The following RDH13 variants were observed in gnomAD, a reference collection of about 807,000 sequenced individuals.
RDH13 encodes retinol dehydrogenase 13 (all-trans and 9-cis).
A neutral mutation model predicts 28.3 loss-of-function variants in RDH13; 35 were observed. That is an observed-to-expected ratio of 1.24 (90% CI 0.95 to 1.64). The LOEUF (loss-of-function observed/expected upper bound fraction) is 1.64. RDH13 is among the 40% of genes most tolerant of loss of function. The probability of loss-of-function intolerance (pLI) is 0.00; values close to 1 mark genes in which losing one functional copy is unlikely to be tolerated. For synonymous variants in RDH13, 229 were observed against 198.5 expected (o/e 1.15, Z -1.29); for missense variants, 514 against 446.3 (o/e 1.15, Z -1.37).
downstream of RDH13, chr19:55,042,942 C>G (rs1340706532): frequency 1.3e-5 from 2 of 152,214 alleles, no homozygotes; most frequent in Non-Finnish European, 2.9e-5. Context: ...AACCTAACCA[C>G]AAGACTAACC....
At chr19:55,056,403 A>T (rs1297376889) in intron 3 of RDH13, among the ~76,000 whole-genome samples, 2 of 152,164 alleles carry the variant, frequency 1.3e-5, no homozygotes, top group Admixed American at 1.3e-4. Flanking sequence ...GGTTACAGTG[A>T]GCCGAGATCG....
At chr19:55,061,713 G>C (rs2075811807) in intron 1 of RDH13, among the ~76,000 whole-genome samples, 2 of 151,584 alleles carry the variant, frequency 1.3e-5, no homozygotes, top group Non-Finnish European at 2.9e-5. Flanking sequence ...GACCACCTGA[G>C]CCCAGGGAGG....
chr19:55,067,013 G>A (rs1809173794), upstream of RDH13, among the ~76,000 whole-genome samples: 1 of 152,160 alleles, frequency 6.6e-6, no homozygotes, highest in Admixed American at 6.6e-5. Context: ...AAATAGATAT[G>A]ATCCTTGTCT....
chr19:55,065,777 A>G (rs2075948883), upstream of RDH13, among the ~76,000 whole-genome samples: 1 of 149,578 alleles, frequency 6.7e-6, no homozygotes, highest in African/African-American at 2.4e-5. Context: ...GAGCGCAGTG[A>G]TGCAATCTCA....
At position 55,062,927 on chromosome 19, in the gene RDH13, G is replaced by A. The variant is rs767669785; in HGVS notation, c.65+41C>T. On this transcript the variant is annotated intron_variant, in intron 1 of 6. Coordinates refer to ENST00000415061, the MANE Select transcript of RDH13 (RefSeq NM_001145971.2). Reference sequence around the variant, plus strand: ...CCGCCTTCCCGGCCCCTGCGCTGGGGGCCCGCCTTGACCGCGCACGCGGGG... The same window carrying A: ...CCGCCTTCCCGGCCCCTGCGCTGGGAGCCCGCCTTGACCGCGCACGCGGGG... 4.7e-5 allele frequency: 67 copies of A among 1,411,604 alleles called. No homozygotes were observed. In the Middle Eastern group the frequency reaches 1.8e-3, roughly 38 times the overall value. 87.4% of individuals were successfully genotyped at this position (1,411,604 alleles called of 1,614,324 possible). A position where few individuals can be genotyped will look rare whatever the true frequency, so the allele number is the denominator to read the frequency against.
chr19:55,048,430 T>C lies in RDH13; in HGVS notation c.557A>G (p.Asp186Gly), dbSNP rs1435460497. The change falls in exon 5 of 7, where the codon GAC (aspartate) becomes GGC (glycine). Residue 186 changes from aspartate to glycine, a missense_variant. Transcript: ENST00000415061. The part of the protein sequence containing the change: ...AHVAGHIDFD[D>G]LNWQTRKYNT... ...ATACTTCCTCGTCTGCCAGTTCAAG[T>C]CGTCAAAGTCTATGTGCCCAGCAAC... 4.3e-6 allele frequency: 7 copies of C among 1,614,020 alleles called. No individual in the cohort carries two copies. Among genetic ancestry groups the C allele is most frequent in the Non-Finnish European group, 5.9e-6 (7 of 1,180,038 alleles).
At chr19:55,064,208 G>A (rs1292791194), upstream of RDH13, 1 of 152,234 alleles carries the variant, frequency 6.6e-6, no homozygotes, top group Admixed American at 6.6e-5. Context: ...GGATCACGAG[G>A]TCAGGAGATT....
intron 1 of RDH13, among the ~76,000 whole-genome samples, chr19:55,059,987 G>C (rs145234429): frequency 3.3e-5 from 5 of 152,176 alleles, no homozygotes; most frequent in Non-Finnish European, 7.3e-5. Context: ...CCAGGGGCAC[G>C]ATGCACTGCA....
chr19:55,068,725 A>T (rs1474321709), intron 1 of RDH13: 1 of 140,800 alleles, frequency 7.1e-6, no homozygotes, highest in Admixed American at 7.3e-5. Flanking sequence ...AGTCCCAGCT[A>T]CTCGGGAGGC....
At chr19:55,062,190 TC>T (rs1310420459) in intron 1 of RDH13, among the ~76,000 whole-genome samples, 1 of 149,486 alleles carries the variant, frequency 6.7e-6, no homozygotes, top group Non-Finnish European at 1.5e-5. Context: ...CGTCACACCT[TC>T]CGAGGATTAG....
At chr19:55,047,298 C>T (rs1029470424) in intron 6 of RDH13, 89 bp downstream of exon 6, 38 of 1,529,508 alleles carry the variant, frequency 2.5e-5, no homozygotes, top group Middle Eastern at 2.3e-4. Flanking sequence ...GCCTCAGGGA[C>T]GGTCTCTGAG....
At chr19:55,047,635 T>C in intron 5 of RDH13, 147 bp from the exon 6 acceptor site, 1 of 1,367,226 alleles carries the variant, frequency 7.3e-7, no homozygotes, top group Non-Finnish European at 9.7e-7. Flanking sequence ...GGAATCTTAG[T>C]GAAGTGGTCT....
chr19:55,052,724 C>G lies in RDH13; in HGVS notation c.340+3929G>C, dbSNP rs537283556. On this transcript the variant is annotated intron_variant, in intron 3 of 6. Transcript: ENST00000415061. The stretch of plus-strand genomic sequence containing the variant: ...TCACCCAGGCTGGAGTGCAGTGGCG[C>G]CATCTCGGCTCACTGCAAGCTCCAC... Among the ~76,000 whole-genome samples, 42 of 150,402 alleles carry G rather than the reference C, an allele frequency of 2.8e-4. No homozygotes were observed. In the East Asian group the frequency reaches 6.8e-3, roughly 24 times the overall value.
In RDH13 at chr19:55,049,091, G is replaced by A. The variant is rs147113560; in HGVS notation, c.341-328C>T. Among the ~76,000 whole-genome samples, 1,132 of 152,246 alleles carry A rather than the reference G, an allele frequency of 7.4e-3. 16 individuals carry two copies. Among genetic ancestry groups the A allele is most frequent in the African/African-American group, 0.025 (1,032 of 41,552 alleles). ...GAAGAGGCTGGGAGGATTATGGCCCGTCTCACAGGTCACAGCCACAGGGAC... is the reference window on the plus strand; with the variant it reads ...GAAGAGGCTGGGAGGATTATGGCCCATCTCACAGGTCACAGCCACAGGGAC... On this transcript the variant is annotated intron_variant, in intron 3 of 6. Transcript: ENST00000415061.
At chr19:55,051,852 C>T (rs2075450521) in intron 3 of RDH13, among the ~76,000 whole-genome samples, 1 of 152,006 alleles carries the variant, frequency 6.6e-6, no homozygotes, top group South Asian at 2.1e-4. Context: ...CCCACCTCAG[C>T]CTTCCACATA....
At chr19:55,057,025 CGTGAAAAGGA>C (rs2075660788) in intron 2 of RDH13, among the ~76,000 whole-genome samples, 1 of 152,018 alleles carries the variant, frequency 6.6e-6, no homozygotes, top group Admixed American at 6.6e-5. Flanking sequence ...ATTAGACGGC[CGTGAAAAGGA>C]GTGAAGCACT....
intron 5 of RDH13, chr19:55,048,043 CACTG>C: frequency 2.1e-6 from 3 of 1,460,520 alleles, no homozygotes; most frequent in Non-Finnish European, 2.7e-6. Flanking sequence ...GGTTGAGACT[CACTG>C]GCTGGAGCCA....
Position 55,048,341 on chromosome 19 carries a change from G to T in RDH13, c.646C>A (p.Arg216=), listed in dbSNP as rs775691492. 5.0e-6 allele frequency: 8 copies of T among 1,613,982 alleles called. No homozygotes were observed. Among genetic ancestry groups the T allele is most frequent in the Admixed American group, 1.7e-5 (1 of 59,984 alleles). ...AGCGCCCCCGTACCTTGCAGCCGCC[G>T]GCTCAGCTCCTTGGTGAAGAGGACG... The part of the protein sequence containing the change: ...AIVLFTKELS[R]RLQGSGVTVN... The change falls in exon 5 of 7, where the codon CGG becomes AGG. Residue 216 remains arginine (R), a synonymous_variant. Transcript: ENST00000415061.
At chr19:55,056,017 G>C (rs994246649) in intron 3 of RDH13, among the ~76,000 whole-genome samples, 3 of 152,044 alleles carry the variant, frequency 2.0e-5, no homozygotes, top group Admixed American at 6.6e-5. Context: ...AGCCAGGCAC[G>C]GTGGCGGGTG....
Sources: gnomAD v4.1 joint callset for allele counts (sites outside exome capture counted in the v4.1 genomes callset) on GRCh38, gnomAD v4.1.1 for gene constraint, MANE v1.5 for transcripts, NCBI Gene and HGNC (gene_info 2026-07-23, HGNC 2026-07-21) for gene names.